Variants in CERS3 observed in about 807,000 individuals in gnomAD.
CERS3 encodes the protein ceramide synthase 3, also known as LAG1 homolog, ceramide synthase 3.
In CERS3, 33 loss-of-function variants were observed where a neutral mutation model predicts 50.3. The observed-to-expected ratio is 0.66, with a 90% confidence interval of 0.50 to 0.88. CERS3 has a LOEUF of 0.88. Among genes scored for constraint, CERS3 ranks in the 40% least tolerant of loss-of-function variants. CERS3 has a pLI of 0.00. For missense variants in CERS3, 470 were observed against 460.3 expected, an observed-to-expected ratio of 1.02 and a Z score of -0.19; for synonymous variants, 176 against 155.2, an observed-to-expected ratio of 1.13 and a Z score of -0.99.
chr15:100,482,433 A>G (rs2035334924), intron 5 of CERS3, among the ~76,000 whole-genome samples: 1 of 152,096 alleles, frequency 6.6e-6, no homozygotes, highest in Non-Finnish European at 1.5e-5. Flanking sequence ...CGTGGACTGC[A>G]TGGATCAGAT....
At chr15:100,420,520 C>T (rs2032343826) in intron 11 of CERS3, among the ~76,000 whole-genome samples, 1 of 152,022 alleles carries the variant, frequency 6.6e-6, no homozygotes, top group Admixed American at 6.5e-5. Context: ...GGAACTGGTA[C>T]CATTCCTTCT....
At chr15:100,443,082 C>T (rs1333775180) in intron 11 of CERS3, among the ~76,000 whole-genome samples, 2 of 152,034 alleles carry the variant, frequency 1.3e-5, no homozygotes, top group East Asian at 1.9e-4. Context: ...TTATCTGCTT[C>T]CCTGACTATT....
chr15:100,474,773 A>G (rs1445591999), intron 8 of CERS3, among the ~76,000 whole-genome samples: 1 of 152,178 alleles, frequency 6.6e-6, no homozygotes, highest in Non-Finnish European at 1.5e-5. Flanking sequence ...AACTATTTTT[A>G]GCTTCATTTT....
intron 11 of CERS3, among the ~76,000 whole-genome samples, chr15:100,423,393 A>G (rs1279397115): frequency 1.3e-5 from 2 of 152,234 alleles, no homozygotes; most frequent in African/African-American, 2.4e-5. Context: ...AGTGGACTGG[A>G]TAAGGGAAAT....
At chr15:100,464,948 G>T (rs1357104209) in intron 10 of CERS3, among the ~76,000 whole-genome samples, 2 of 152,126 alleles carry the variant, frequency 1.3e-5, no homozygotes, top group East Asian at 1.9e-4. Flanking sequence ...TGCAGTGGCT[G>T]GACATGAAAG....
At chr15:100,495,111 G>C (rs2035771096) in intron 3 of CERS3, among the ~76,000 whole-genome samples, 1 of 152,178 alleles carries the variant, frequency 6.6e-6, no homozygotes. Flanking sequence ...TGTGAGTAGT[G>C]CCTTCCAGAG....
At chr15:100,417,921 A>T (rs1163602518) in intron 11 of CERS3, among the ~76,000 whole-genome samples, 5 of 152,022 alleles carry the variant, frequency 3.3e-5, no homozygotes, top group African/African-American at 1.2e-4. Context: ...CACACCGAAA[A>T]CCCATCTGTA....
At chr15:100,410,261 G>A (rs571444597) in intron 11 of CERS3, among the ~76,000 whole-genome samples, 8 of 152,264 alleles carry the variant, frequency 5.3e-5, no homozygotes, top group African/African-American at 1.7e-4. Context: ...ATAGTGACCC[G>A]TTACTTGTCC....
chr15:100,412,306 CA>C (rs1803936647), intron 11 of CERS3, among the ~76,000 whole-genome samples: 1 of 152,064 alleles, frequency 6.6e-6, no homozygotes, highest in Non-Finnish European at 1.5e-5. Flanking sequence ...TTCCCAGCAC[CA>C]TTTGTCGAAA....
intron 11 of CERS3, among the ~76,000 whole-genome samples, chr15:100,443,260 T>C (rs1380736823): frequency 6.6e-6 from 1 of 151,340 alleles, no homozygotes; most frequent in African/African-American, 2.4e-5. Flanking sequence ...CTAATCACCC[T>C]TACCCCGCTC....
chr15:100,421,132 G>A (rs1473405808), intron 11 of CERS3, among the ~76,000 whole-genome samples: 1 of 151,696 alleles, frequency 6.6e-6, no homozygotes, highest in East Asian at 1.9e-4. Context: ...AGGAAAAGAG[G>A]AAGTCAAATT....
intron 11 of CERS3, among the ~76,000 whole-genome samples, chr15:100,416,596 C>T (rs958623689): frequency 6.6e-6 from 1 of 152,148 alleles, no homozygotes; most frequent in Admixed American, 6.6e-5. Flanking sequence ...TAAGGAGAAG[C>T]AAGGACCTTC....
At chr15:100,467,837 G>C (rs1413376500) in intron 10 of CERS3, among the ~76,000 whole-genome samples, 2 of 56,356 alleles carry the variant, frequency 3.5e-5, no homozygotes, top group African/African-American at 5.6e-5. Context: ...ATATATACGT[G>C]TATATATATA....
At chr15:100,499,753 C>G (rs1225388753) in intron 3 of CERS3, among the ~76,000 whole-genome samples, 1 of 152,206 alleles carries the variant, frequency 6.6e-6, no homozygotes, top group Non-Finnish European at 1.5e-5. Context: ...GCTGTTATCT[C>G]TTTAAGCTTG....
intron 11 of CERS3, among the ~76,000 whole-genome samples, chr15:100,403,735 A>G (rs562896895): frequency 1.3e-5 from 2 of 152,258 alleles, no homozygotes; most frequent in Non-Finnish European, 2.9e-5. Flanking sequence ...TATGAAGGAC[A>G]TTTAATTTGT....
chr15:100,450,912 G>T (rs1461885698), intron 11 of CERS3, among the ~76,000 whole-genome samples: 2 of 152,104 alleles, frequency 1.3e-5, no homozygotes, highest in Non-Finnish European at 2.9e-5. Context: ...GAAAGTGGGG[G>T]AGGGGGGGAA....
chr15:100,473,994 C>T lies in CERS3; in HGVS notation c.610-942G>A, dbSNP rs547769339. 5.3e-4 allele frequency among the ~76,000 whole-genome samples: 80 copies of T among 152,202 alleles called. 1 individual carries two copies. The highest frequency in any genetic ancestry group is 1.6e-3 in the African/African-American group (66 of 41,516). On this transcript the variant is annotated intron_variant, in intron 8 of 11. Coordinates refer to ENST00000679737, the MANE Select transcript of CERS3 (RefSeq NM_001378789.1). ...GATACATGCCATAACATGGATGAAC[C>T]TGGAAAACATTACAGTAAGTGAAAC...
intron 11 of CERS3, among the ~76,000 whole-genome samples, chr15:100,413,510 G>GACTAT (rs56261519): frequency 0.13 from 18,902 of 149,512 alleles, 1,295 homozygotes; most frequent in East Asian, 0.17. Context: ...CACAACTGAC[G>GACTAT]ACTATACTAT....
chr15:100,474,688 C>G (rs1265731100), intron 8 of CERS3, among the ~76,000 whole-genome samples: 1 of 152,262 alleles, frequency 6.6e-6, no homozygotes, highest in East Asian at 1.9e-4. Flanking sequence ...CAGGCGTGAG[C>G]CTCTGCGCCC....
Sources: allele counts gnomAD v4.1 joint callset (sites outside exome capture counted in the v4.1 genomes callset), GRCh38; gene constraint gnomAD v4.1.1; transcripts MANE v1.5; gene names NCBI Gene and HGNC (gene_info 2026-07-23, HGNC 2026-07-21).